The following TANGO2 variants were observed in gnomAD, a reference collection of about 807,000 sequenced individuals.
The protein encoded by TANGO2 is transport and Golgi organization protein 2 homolog.
Under a neutral mutation model 39.1 loss-of-function variants are expected in TANGO2, and 26 were observed. The observed-to-expected ratio is 0.67, with a 90% CI of 0.49 to 0.92. The LOEUF (loss-of-function observed/expected upper bound fraction) is 0.92. Ranked by LOEUF, TANGO2 falls within the 40% of genes least tolerant of loss-of-function variation. TANGO2 has a pLI of 0.00. For synonymous variants in TANGO2, 131 were observed against 144.5 expected, an observed-to-expected ratio of 0.91 and a Z score of 0.67; for missense variants, 326 against 360.1, an observed-to-expected ratio of 0.91 and a Z score of 0.77.
At chr22:20,026,271 A>G (rs2040724475) in intron 1 of TANGO2, among the ~76,000 whole-genome samples, 1 of 152,198 alleles carries the variant, frequency 6.6e-6, no homozygotes, top group Non-Finnish European at 1.5e-5. Context: ...GGTGGCACGC[A>G]CCTGTAATGA....
rs2049243667 is a variant in TANGO2, at chr22:20,066,928, A to G, written c.*2266A>G. ...GGCTCCCCAGCAGCCTGAGGCCCCT[A>G]AGGAAGAACAGCCCTCAATGGTGAT... On this transcript the variant is annotated 3_prime_UTR_variant, in exon 9 of 9. Coordinates refer to ENST00000327374, the MANE Select transcript of TANGO2 (RefSeq NM_152906.7). 1 of 152,350 alleles carries G rather than the reference A, an allele frequency of 6.6e-6. No individual in the cohort carries two copies. Among genetic ancestry groups the G allele is most frequent in the African/African-American group, 2.4e-5 (1 of 41,434 alleles). The allele number at this position is 152,350 out of a possible 1,614,324, so 9.4% of individuals were successfully genotyped here.
At chr22:20,063,523 C>A in intron 8 of TANGO2, 81 bp downstream of exon 8, 1 of 1,255,974 alleles carries the variant, frequency 8.0e-7, no homozygotes, top group Non-Finnish European at 1.1e-6. Context: ...AAGCCAAGTG[C>A]CCATAGCCAG....
At chr22:20,031,658 G>C (rs1363728192) in intron 1 of TANGO2, among the ~76,000 whole-genome samples, 1 of 152,226 alleles carries the variant, frequency 6.6e-6, no homozygotes, top group Non-Finnish European at 1.5e-5. Flanking sequence ...AGGACCACAT[G>C]TGAACACAGT....
At chr22:20,051,753 G>A (rs2046382404) in intron 3 of TANGO2, among the ~76,000 whole-genome samples, 1 of 152,142 alleles carries the variant, frequency 6.6e-6, no homozygotes, top group South Asian at 2.1e-4. Context: ...CTTGGGCTGA[G>A]GTGGGAGGAT....
intron 3 of TANGO2, among the ~76,000 whole-genome samples, chr22:20,046,000 A>G (rs964822015): frequency 1.3e-5 from 2 of 151,814 alleles, no homozygotes; most frequent in African/African-American, 4.8e-5. Context: ...CTGTGTGAGC[A>G]CTGGTGGTTC....
intron 4 of TANGO2, 116 bp downstream of exon 4, chr22:20,052,700 G>A (rs1039105918): frequency 1.5e-5 from 20 of 1,341,852 alleles, no homozygotes; most frequent in East Asian, 1.3e-4. Flanking sequence ...AGTGGGGCGG[G>A]CCAAGGTAGG....
intron 2 of TANGO2, among the ~76,000 whole-genome samples, chr22:20,038,466 G>C (rs572568239): frequency 3.9e-5 from 6 of 152,222 alleles, no homozygotes; most frequent in African/African-American, 1.2e-4. Context: ...TTGATGGCTG[G>C]CCTGCGGGTG....
chr22:20,038,161 A>G (rs534836606), intron 2 of TANGO2, among the ~76,000 whole-genome samples: 1 of 152,198 alleles, frequency 6.6e-6, no homozygotes, highest in Non-Finnish European at 1.5e-5. Context: ...TCAGATACGC[A>G]CAGGGGAAGC....
At chr22:20,060,219 G>A (rs1274762343) in intron 6 of TANGO2, among the ~76,000 whole-genome samples, 1 of 151,978 alleles carries the variant, frequency 6.6e-6, no homozygotes, top group Non-Finnish European at 1.5e-5. Context: ...CGTGGTGGCG[G>A]GTGCCTGTAG....
chr22:20,060,176 C>T (rs988076488), intron 6 of TANGO2, among the ~76,000 whole-genome samples: 16 of 151,910 alleles, frequency 1.1e-4, no homozygotes, highest in Admixed American at 7.2e-4. Context: ...GGTGAAACCC[C>T]GTCTCTACTA....
intron 2 of TANGO2, 147 bp from the exon 3 acceptor site, chr22:20,043,208 A>T (rs912535664): frequency 3.2e-6 from 2 of 625,766 alleles, no homozygotes; most frequent in South Asian, 3.7e-5. Flanking sequence ...TCCTTCCTCC[A>T]GTGTGGGTGC....
Position 20,043,365 on chromosome 22 carries a change from G to A in TANGO2, c.67G>A (p.Ala23Thr), listed in dbSNP as rs1271721545. ...VSKNAYRLIL[A>T]ANRDEFYSRP... ...GCTTTCCTCTTGCAGGCTCATCTTG[G>A]CAGCCAACAGGGATGAATTCTACAG... The change falls in exon 3 of 9, where the codon GCA becomes ACA. Residue 23 changes from alanine (A) to threonine (T), a missense_variant. Coordinates refer to ENST00000327374, the MANE Select transcript of TANGO2 (RefSeq NM_152906.7). The A allele has an allele frequency of 6.2e-7, 1 of 1,612,314 alleles. No homozygotes were observed. Among genetic ancestry groups the A allele is most frequent in the African/African-American group, 1.3e-5 (1 of 74,886 alleles).
intron 5 of TANGO2, chr22:20,054,029 C>T (rs1437837855): frequency 1.3e-5 from 4 of 316,750 alleles, no homozygotes; most frequent in Non-Finnish European, 2.5e-5. Context: ...AGCCCCAGAA[C>T]TTGGCCAATG....
rs1188384557 is a variant in TANGO2 at position 20,057,037 on chromosome 22, A to C, written c.451+1024A>C. On this transcript the variant is annotated intron_variant, in intron 6 of 8. Transcript: ENST00000327374. The surrounding 1 kb of genome is among the most constrained non-coding windows in gnomAD (Gnocchi z 4.1). ...GAAGCTCCATGCCCACGTCACACAGACTTTCTTTTGCATTTGGCACAAATC... is the reference window on the plus strand; with the variant it reads ...GAAGCTCCATGCCCACGTCACACAGCCTTTCTTTTGCATTTGGCACAAATC... 2 of 442,100 alleles carry C rather than the reference A, an allele frequency of 4.5e-6. No individual in the cohort carries two copies. Among genetic ancestry groups the C allele is most frequent in the Non-Finnish European group, 9.1e-6 (2 of 219,444 alleles). 27.4% of individuals were successfully genotyped at this position (442,100 alleles called of 1,614,324 possible). A position where few individuals can be genotyped will look rare whatever the true frequency, so the allele number is the denominator to read the frequency against.
In TANGO2 at chr22:20,066,696, T is replaced by TG. The variant is rs901733367; in HGVS notation, c.*2039dup. 7.9e-5 allele frequency among the ~76,000 whole-genome samples: 12 copies of TG among 152,166 alleles called. No homozygotes were observed. The highest frequency in any genetic ancestry group is 2.7e-4 in the African/African-American group (11 of 41,436). On this transcript the variant is annotated 3_prime_UTR_variant, in exon 9 of 9. Coordinates refer to ENST00000327374, the MANE Select transcript of TANGO2 (RefSeq NM_152906.7). ...TGAGTCAGGACAACAGGCTCCCGGC[T>TG]GGGGGCACTGCCCTTGCTGCCAACA... is the stretch of plus-strand genomic sequence containing the variant.
At chr22:20,060,649 GT>G in intron 6 of TANGO2, among the ~76,000 whole-genome samples, 1 of 152,264 alleles carries the variant, frequency 6.6e-6, no homozygotes, top group East Asian at 1.9e-4. Context: ...CTTCCATGTT[GT>G]TCATGATGGA....
At chr22:20,061,781 C>T (rs1364308189) in intron 7 of TANGO2, 98 bp downstream of exon 7, 2 of 1,404,168 alleles carry the variant, frequency 1.4e-6, no homozygotes, top group African/African-American at 1.4e-5. Context: ...ATGGAAGTGG[C>T]CAGGCTGGGT....
At chr22:20,042,016 C>G (rs58838155) in intron 2 of TANGO2, among the ~76,000 whole-genome samples, 8,786 of 150,952 alleles carry the variant, frequency 0.058, 823 homozygotes, top group African/African-American at 0.2. Context: ...CAGGGCTTCT[C>G]TGTTCCCCAG....
At chr22:20,034,212 A>ACAAC (rs533439633) in intron 1 of TANGO2, among the ~76,000 whole-genome samples, 3 of 131,354 alleles carry the variant, frequency 2.3e-5, no homozygotes, top group Non-Finnish European at 5.0e-5. Flanking sequence ...ACAACAAAAA[A>ACAAC]AAACCGAGTT....
Sources: gnomAD v4.1 joint callset for allele counts (sites outside exome capture counted in the v4.1 genomes callset) on GRCh38, gnomAD v4.1.1 for gene constraint, Gnocchi (gnomAD v3.1) non-coding constraint, MANE v1.5 for transcripts, NCBI Gene and HGNC (gene_info 2026-07-23, HGNC 2026-07-21) for gene names.